The following ARMC1 variants were observed in gnomAD, a reference collection of about 807,000 sequenced individuals.
ARMC1 encodes the protein armadillo repeat containing 1.
A neutral mutation model predicts 31.4 loss-of-function variants in ARMC1; 16 were observed. That is an observed-to-expected ratio of 0.51 (90% CI 0.34 to 0.77). The LOEUF (loss-of-function observed/expected upper bound fraction) is 0.77. ARMC1 is among the 30% of genes least tolerant of loss of function. ARMC1 has a pLI of 0.01. For missense variants in ARMC1, 259 were observed against 347.5 expected (o/e 0.75, Z 2.02); for synonymous variants, 114 against 118.9 (o/e 0.96, Z 0.27).
intron 6 of ARMC1, 133 bp downstream of exon 6, chr8:65,605,130 G>A (rs1807974910): frequency 6.9e-6 from 5 of 719,618 alleles, no homozygotes; most frequent in Non-Finnish European, 2.3e-6. Flanking sequence ...TTCTAAAACA[G>A]TTAACTGTTA....
chr8:65,614,042 AT>A (rs1808199772), intron 3 of ARMC1, among the ~76,000 whole-genome samples: 1 of 152,192 alleles, frequency 6.6e-6, no homozygotes, highest in South Asian at 2.1e-4. Flanking sequence ...ATGTTCCTGT[AT>A]TATCACTAAC....
chr8:65,615,922 TA>T (rs1808241490), intron 3 of ARMC1, among the ~76,000 whole-genome samples: 1 of 151,944 alleles, frequency 6.6e-6, no homozygotes, highest in South Asian at 2.1e-4. Context: ...AGAAAAACTG[TA>T]TTATTGTTAC....
chr8:65,604,336 C>T lies in ARMC1; in HGVS notation c.*58G>A. On this transcript the variant is annotated 3_prime_UTR_variant, in exon 7 of 7. Coordinates refer to ENST00000276569, the MANE Select transcript of ARMC1 (RefSeq NM_018120.6). Reference sequence around the variant, plus strand: ...GCAAATTGCACTTGACAGTTCACCACAACAATGGAAAACTGGCCCCTTGTT... The same window carrying T: ...GCAAATTGCACTTGACAGTTCACCATAACAATGGAAAACTGGCCCCTTGTT... The T allele has an allele frequency of 6.5e-7, 1 of 1,527,788 alleles. No homozygotes were observed. Among genetic ancestry groups the T allele is most frequent in the Non-Finnish European group, 8.9e-7 (1 of 1,122,380 alleles). 94.6% of individuals were successfully genotyped at this position (1,527,788 alleles called of 1,614,324 possible).
At position 65,602,595 on chromosome 8, in the gene ARMC1, C is replaced by CTT. The variant is rs1472147213; in HGVS notation, c.*1798_*1799insAA. The CTT allele has an allele frequency of 6.6e-6, 1 of 152,098 alleles. No homozygotes were observed. Among genetic ancestry groups the CTT allele is most frequent in the Non-Finnish European group, 1.5e-5 (1 of 68,016 alleles). 9.4% of individuals were successfully genotyped at this position (152,098 alleles called of 1,614,324 possible). ...AGAATTAGAACACACAAACATCAAG[C>CTT]TGTAATACCTACTTGTCCTGAAACA... On this transcript the variant is annotated 3_prime_UTR_variant, in exon 7 of 7. Transcript: ENST00000276569.
At chr8:65,615,461 T>C (rs1808229411) in intron 3 of ARMC1, among the ~76,000 whole-genome samples, 1 of 150,290 alleles carries the variant, frequency 6.7e-6, no homozygotes. Context: ...TTCCAACACT[T>C]TGTGAGGCTG....
intron 3 of ARMC1, among the ~76,000 whole-genome samples, chr8:65,614,729 G>C (rs1740456050): frequency 6.6e-6 from 1 of 152,126 alleles, no homozygotes; most frequent in Admixed American, 6.5e-5. Context: ...ATTTTTATAT[G>C]TTCTTTGTTC....
Position 65,627,282 on chromosome 8 carries a change from T to A in ARMC1, c.117A>T (p.Gly39=), listed in dbSNP as rs1355330221. ...TAAATAAAATAAGGCCAGGCAGACA[T>A]CCCTGATCCTGGACGATGGCTCTTC... ...LNRRAIVQDQ[G]CLPGLILFMD... The change falls in exon 2 of 7, where the codon GGA becomes GGT. Residue 39 remains glycine, a synonymous_variant. Transcript: ENST00000276569. 6 of 1,613,112 alleles carry A rather than the reference T, an allele frequency of 3.7e-6. No homozygotes were observed. Among genetic ancestry groups the A allele is most frequent in the Non-Finnish European group, 5.1e-6 (6 of 1,179,530 alleles).
At chr8:65,607,254 A>G (rs938966735) in intron 4 of ARMC1, among the ~76,000 whole-genome samples, 1 of 152,242 alleles carries the variant, frequency 6.6e-6, no homozygotes, top group Non-Finnish European at 1.5e-5. Flanking sequence ...GAAGCCCCTT[A>G]GAGGACTGGT....
At chr8:65,633,264 G>T (rs1186672501) in intron 1 of ARMC1, among the ~76,000 whole-genome samples, 1 of 152,214 alleles carries the variant, frequency 6.6e-6, no homozygotes, top group Non-Finnish European at 1.5e-5. Flanking sequence ...TATTCAGTTA[G>T]GTGGGCTTTG....
At chr8:65,616,799 G>A (rs1313682422) in intron 3 of ARMC1, among the ~76,000 whole-genome samples, 1 of 152,164 alleles carries the variant, frequency 6.6e-6, no homozygotes, top group South Asian at 2.1e-4. Flanking sequence ...CGTCTGGGAG[G>A]TGAGGAGCGT....
At chr8:65,632,479 G>C (rs1407501823) in intron 1 of ARMC1, among the ~76,000 whole-genome samples, 1 of 152,092 alleles carries the variant, frequency 6.6e-6, no homozygotes, top group African/African-American at 2.4e-5. Flanking sequence ...CAGGCGTGGT[G>C]GGGGGCACCT....
intron 1 of ARMC1, among the ~76,000 whole-genome samples, chr8:65,630,760 A>C (rs1366255464): frequency 6.6e-6 from 1 of 152,022 alleles, no homozygotes. Flanking sequence ...CGGAGGTTGC[A>C]GTGAGCCGAG....
chr8:65,609,252 G>A (rs1808071590), intron 4 of ARMC1, among the ~76,000 whole-genome samples: 2 of 150,960 alleles, frequency 1.3e-5, no homozygotes, highest in African/African-American at 4.9e-5. Context: ...ACAGGCATGT[G>A]CCACCACACC....
Position 65,603,688 on chromosome 8 carries a change from C to T in ARMC1, c.*706G>A, listed in dbSNP as rs1807940933. The T allele has an allele frequency of 6.6e-6, 1 of 152,192 alleles. No individual in the cohort carries two copies. The highest frequency in any genetic ancestry group is 1.5e-5 in the Non-Finnish European group (1 of 68,010). 9.4% of individuals were successfully genotyped at this position (152,192 alleles called of 1,614,324 possible). On this transcript the variant is annotated 3_prime_UTR_variant, in exon 7 of 7. Coordinates refer to ENST00000276569, the MANE Select transcript of ARMC1 (RefSeq NM_018120.6). Reference sequence around the variant, plus strand: ...AGAACCACATTTGGTCACATTCAAACAGTCTCCAAAAACACTTCACTAATA... The same window carrying T: ...AGAACCACATTTGGTCACATTCAAATAGTCTCCAAAAACACTTCACTAATA...
At chr8:65,629,324 G>A (rs1442921509) in intron 1 of ARMC1, among the ~76,000 whole-genome samples, 4 of 152,110 alleles carry the variant, frequency 2.6e-5, no homozygotes, top group Non-Finnish European at 5.9e-5. Context: ...GAGAAATGCT[G>A]CATATTGTTG....
chr8:65,624,268 G>C (rs935187829), intron 2 of ARMC1, among the ~76,000 whole-genome samples: 2 of 151,376 alleles, frequency 1.3e-5, no homozygotes, highest in South Asian at 2.1e-4. Context: ...GGAAGCTGAG[G>C]GGGGCAGATC....
At chr8:65,612,668 C>G (rs1306844091) in intron 4 of ARMC1, among the ~76,000 whole-genome samples, 1 of 150,842 alleles carries the variant, frequency 6.6e-6, no homozygotes, top group Non-Finnish European at 1.5e-5. Context: ...TTGAGACCAG[C>G]CTGGCCAACA....
intron 3 of ARMC1, among the ~76,000 whole-genome samples, chr8:65,616,710 A>C (rs1808270442): frequency 7.4e-6 from 1 of 134,326 alleles, no homozygotes; most frequent in Non-Finnish European, 1.6e-5. Flanking sequence ...CCGGCCACCC[A>C]TAGTCTGAGA....
intron 4 of ARMC1, among the ~76,000 whole-genome samples, chr8:65,607,114 C>T (rs1808021100): frequency 6.6e-6 from 1 of 152,262 alleles, no homozygotes; most frequent in Non-Finnish European, 1.5e-5. Flanking sequence ...TTGCTCATCT[C>T]CCTACTTCTG....
Sources: gnomAD v4.1 joint callset for allele counts (sites outside exome capture counted in the v4.1 genomes callset) on GRCh38, gnomAD v4.1.1 for gene constraint, MANE v1.5 for transcripts, NCBI Gene and HGNC (gene_info 2026-07-23, HGNC 2026-07-21) for gene names.